The following FGGY variants were observed in gnomAD, a reference collection of about 807,000 sequenced individuals.
FGGY encodes FGGY carbohydrate kinase domain-containing protein.
In FGGY, 72 loss-of-function variants were observed where a neutral mutation model predicts 71.3. The ratio of observed to expected loss-of-function variants is 1.01; its 90% CI spans 0.84 to 1.23. The LOEUF is 1.23. Among genes scored for constraint, FGGY ranks in the 50% most tolerant of loss-of-function variants. The pLI is 0.00. For synonymous variants in FGGY, 251 were observed against 250.3 expected (o/e 1.00, Z -0.02); for missense variants, 668 against 682.3 (o/e 0.98, Z 0.23).
intron 8 of FGGY, among the ~76,000 whole-genome samples, chr1:59,591,475 T>C (rs554626291): frequency 6.6e-6 from 1 of 151,364 alleles, no homozygotes; most frequent in African/African-American, 2.4e-5. Flanking sequence ...AGAGCCCGCA[T>C]CGCCAAGTCA....
chr1:59,296,533 C>T (rs1160038525), upstream of FGGY: 2 of 152,458 alleles, frequency 1.3e-5, no homozygotes, highest in African/African-American at 4.8e-5. Flanking sequence ...GCGCTCCTCC[C>T]GCCTTGCCCA....
At chr1:59,701,438 G>A (rs914442466) in intron 14 of FGGY, among the ~76,000 whole-genome samples, 1 of 152,126 alleles carries the variant, frequency 6.6e-6, no homozygotes, top group African/African-American at 2.4e-5. Context: ...CATTTTATCA[G>A]TAAATGCTTC....
chr1:59,388,362 T>G (rs1040553762), intron 5 of FGGY, among the ~76,000 whole-genome samples: 1 of 152,178 alleles, frequency 6.6e-6, no homozygotes, highest in African/African-American at 2.4e-5. Context: ...TTCCAGTCTC[T>G]TAATGATTAC....
At chr1:59,738,022 G>T (rs1438474183) in intron 14 of FGGY, among the ~76,000 whole-genome samples, 1 of 152,178 alleles carries the variant, frequency 6.6e-6, no homozygotes, top group Non-Finnish European at 1.5e-5. Flanking sequence ...CAAAGTAAAA[G>T]AAGAGTCTAG....
At chr1:59,337,415 A>G (rs1299622485) in intron 2 of FGGY, among the ~76,000 whole-genome samples, 1 of 152,028 alleles carries the variant, frequency 6.6e-6, no homozygotes, top group Non-Finnish European at 1.5e-5. Context: ...AATCACACCC[A>G]TTACTGATTA....
intron 7 of FGGY, among the ~76,000 whole-genome samples, chr1:59,533,381 A>G (rs2095215866): frequency 6.6e-6 from 1 of 152,224 alleles, no homozygotes; most frequent in South Asian, 2.1e-4. Flanking sequence ...TTGCTAGCAC[A>G]GCAGTCTGAG....
chr1:59,433,503 A>G (rs2067804105), intron 5 of FGGY, among the ~76,000 whole-genome samples: 1 of 152,112 alleles, frequency 6.6e-6, no homozygotes, highest in African/African-American at 2.4e-5. Context: ...CCAGGCCTTC[A>G]CGGGGAATAC....
chr1:59,745,117 T>A (rs2098184351), intron 14 of FGGY, among the ~76,000 whole-genome samples: 1 of 152,192 alleles, frequency 6.6e-6, no homozygotes, highest in South Asian at 2.1e-4. Context: ...TCAGATTCGA[T>A]GTCTTTGCTT....
At chr1:59,545,906 G>T (rs1571058649) in intron 7 of FGGY, among the ~76,000 whole-genome samples, 2 of 152,288 alleles carry the variant, frequency 1.3e-5, no homozygotes, top group East Asian at 3.9e-4. Context: ...ATGCTAGCCT[G>T]GGTTATACCT....
chr1:59,544,900 AT>A (rs967688164), intron 7 of FGGY, among the ~76,000 whole-genome samples: 1 of 152,122 alleles, frequency 6.6e-6, no homozygotes, highest in Non-Finnish European at 1.5e-5. Flanking sequence ...TCTACTGTGT[AT>A]TTGACTTTGT....
In FGGY at chr1:59,466,695, G is replaced by A. The variant is rs146174329; in HGVS notation, c.670+9619G>A. Among the ~76,000 whole-genome samples, 397 of 152,254 alleles carry A rather than the reference G, an allele frequency of 2.6e-3. 11 individuals carry two copies. In the East Asian group the frequency reaches 0.065, roughly 25 times the overall value. Reference sequence around the variant, plus strand: ...ACAACCCCATCAAAAAGTGGGCAACGGATATGAACAGACACTTCTCAAAAG... The same window carrying A: ...ACAACCCCATCAAAAAGTGGGCAACAGATATGAACAGACACTTCTCAAAAG... On this transcript the variant is annotated intron_variant, in intron 6 of 15. Transcript: ENST00000303721.
intron 7 of FGGY, among the ~76,000 whole-genome samples, chr1:59,532,142 TCAG>T (rs2095162934): frequency 6.6e-6 from 1 of 152,194 alleles, no homozygotes; most frequent in Non-Finnish European, 1.5e-5. Context: ...GATGGAGAAT[TCAG>T]CAGAGATCTG....
chr1:59,758,718 G>A (rs1259087932), intron 15 of FGGY, among the ~76,000 whole-genome samples: 1 of 152,178 alleles, frequency 6.6e-6, no homozygotes, highest in Non-Finnish European at 1.5e-5. Flanking sequence ...TATAAAAGTG[G>A]GAGCAGCATA....
intron 14 of FGGY, among the ~76,000 whole-genome samples, chr1:59,679,277 A>T (rs1283221514): frequency 1.3e-5 from 2 of 150,884 alleles, no homozygotes; most frequent in African/African-American, 4.9e-5. Context: ...CATGTCTCCC[A>T]TTCTATTTTA....
At chr1:59,506,670 G>A (rs1435320637) in intron 6 of FGGY, among the ~76,000 whole-genome samples, 3 of 152,092 alleles carry the variant, frequency 2.0e-5, no homozygotes, top group Admixed American at 6.5e-5. Flanking sequence ...GTGCTGGCGT[G>A]TGCCCGTAGT....
At chr1:59,356,993 A>C (rs1026310275) in intron 4 of FGGY, among the ~76,000 whole-genome samples, 2 of 152,086 alleles carry the variant, frequency 1.3e-5, no homozygotes, top group African/African-American at 2.4e-5. Flanking sequence ...CTTTCTTTAG[A>C]ATGTTTATAC....
At chr1:59,515,417 C>A (rs933852983) in intron 7 of FGGY, among the ~76,000 whole-genome samples, 1 of 151,982 alleles carries the variant, frequency 6.6e-6, no homozygotes, top group African/African-American at 2.4e-5. Context: ...GGACTGTGGA[C>A]TTTTGGATTA....
chr1:59,369,626 C>G (rs2057226865), intron 4 of FGGY, among the ~76,000 whole-genome samples: 1 of 152,200 alleles, frequency 6.6e-6, no homozygotes, highest in Non-Finnish European at 1.5e-5. Flanking sequence ...GGGTCCCTGA[C>G]CCCTGACCCC....
chr1:59,612,028 G>A (rs1226822298), intron 9 of FGGY, among the ~76,000 whole-genome samples: 1 of 152,220 alleles, frequency 6.6e-6, no homozygotes, highest in East Asian at 1.9e-4. Context: ...TCTGATTAGT[G>A]TACCTGAAAG....
Sources: gnomAD v4.1 joint callset for allele counts (sites outside exome capture counted in the v4.1 genomes callset) on GRCh38, gnomAD v4.1.1 for gene constraint, MANE v1.5 for transcripts, NCBI Gene and HGNC (gene_info 2026-07-23, HGNC 2026-07-21) for gene names.